SUSD2: variants seen among roughly 807,000 people sequenced by gnomAD.
SUSD2 encodes sushi domain containing 2.
Under a neutral mutation model 93.8 loss-of-function variants are expected in SUSD2, and 86 were observed. That is an observed-to-expected ratio of 0.92 (90% CI 0.77 to 1.10). The LOEUF (loss-of-function observed/expected upper bound fraction) is 1.10. SUSD2 is among the 50% of genes least tolerant of loss of function. The pLI, the probability that SUSD2 is intolerant of heterozygous loss-of-function variation, is 0.00. For synonymous variants in SUSD2, 483 were observed against 485.0 expected (o/e 1.00, Z 0.05); for missense variants, 1,060 against 1,137.0 (o/e 0.93, Z 0.97).
intron 2 of SUSD2, 25 bp from the exon 3 acceptor site, chr22:24,183,470 C>T (rs774023187): frequency 2.9e-5 from 46 of 1,600,940 alleles, no homozygotes; most frequent in Non-Finnish European, 3.5e-5. Flanking sequence ...TGACCCAGCC[C>T]CTCCCACCAC....
intron 3 of SUSD2, 140 bp downstream of exon 3, chr22:24,183,786 G>C: frequency 4.1e-6 from 4 of 981,988 alleles, no homozygotes; most frequent in Non-Finnish European, 4.4e-6. Flanking sequence ...GCCTGCGAGA[G>C]TTCCTTCAGC....
Position 24,186,249 on chromosome 22 carries a change from C to T in SUSD2, c.1484-8C>T, listed in dbSNP as rs771346614. On this transcript the variant is annotated splice_region_variant and splice_polypyrimidine_tract_variant and intron_variant, in intron 9 of 14. Transcript: ENST00000358321. ...CAAGTGGCTCCCGTTCTGCTCCCAC[C>T]ACCGCAGGCACGGAGACCCGTGGCA... 6.2e-7 allele frequency: 1 copy of T among 1,612,812 alleles called. No individual in the cohort carries two copies. The highest frequency in any genetic ancestry group is 8.5e-7 in the Non-Finnish European group (1 of 1,179,724).
At chr22:24,183,712 AC>A in intron 3 of SUSD2, 66 bp downstream of exon 3, 8 of 1,532,700 alleles carry the variant, frequency 5.2e-6, no homozygotes, top group Middle Eastern at 3.9e-4. Context: ...ATCTATGCAC[AC>A]CGAGACTTGG....
chr22:24,188,768 G>C lies in SUSD2; in HGVS notation c.*332G>C, dbSNP rs1054108991. 1.1e-5 allele frequency: 3 copies of C among 282,736 alleles called. No individual in the cohort carries two copies. The highest frequency in any genetic ancestry group is 2.0e-5 in the Non-Finnish European group (3 of 148,104). The allele number at this position is 282,736 out of a possible 1,614,324, so 17.5% of individuals were successfully genotyped here. A position where few individuals can be genotyped will look rare whatever the true frequency, so the allele number is the denominator to read the frequency against. On this transcript the variant is annotated 3_prime_UTR_variant, in exon 15 of 15. Transcript: ENST00000358321. The surrounding 1 kb of genome is among the most constrained non-coding windows in gnomAD (Gnocchi z 4.7). ...TCAGATTCCAATAGCTCACTCCCTA[G>C]AGCCTGACGCCGGGGCCCCTGACCC...
rs752711134 is a variant in SUSD2, at chr22:24,184,930, G to T, written c.772G>T (p.Ala258Ser). The T allele has an allele frequency of 2.8e-5, 45 of 1,613,516 alleles. 1 individual carries two copies. In the South Asian group the frequency reaches 4.0e-4, roughly 14 times the overall value. ...ALRIIDSKNY[A>S]GQKDVQALWT... ...TCGGATCATCGACAGCAAAAATTAC[G>T]CAGGGCAGAAGTAAGAAGGCATGGA... The change falls in exon 5 of 15, where the codon GCA becomes TCA. Residue 258 changes from alanine (A) to serine (S), a missense_variant. Physicochemically the swap from Ala to Ser is moderately conservative, Grantham distance 99 (BLOSUM62 1). Around this residue, in one of 2 missense-constraint regions of SUSD2, gnomAD observed 973 missense variants for 1,005.3 expected, o/e 0.97. Coordinates refer to ENST00000358321, the MANE Select transcript of SUSD2 (RefSeq NM_019601.4).
intron 1 of SUSD2, among the ~76,000 whole-genome samples, chr22:24,181,846 G>A (rs748862063): frequency 5.3e-5 from 8 of 152,304 alleles, no homozygotes; most frequent in African/African-American, 7.2e-5. Context: ...AGAGGCCTCC[G>A]CCTGTGTCCC....
intron 1 of SUSD2, chr22:24,182,781 G>T: frequency 2.3e-6 from 1 of 444,244 alleles, no homozygotes; most frequent in Non-Finnish European, 4.1e-6. Context: ...TCCTGACCCT[G>T]CAGGGCTGAG....
At chr22:24,184,375 T>A in intron 4 of SUSD2, 72 bp downstream of exon 4, 2 of 1,509,684 alleles carry the variant, frequency 1.3e-6, no homozygotes, top group Non-Finnish European at 1.8e-6. Flanking sequence ...GGGTCCCAGC[T>A]GTGTGGGAGG....
At chr22:24,185,632 G>T (rs772717600) in intron 7 of SUSD2, 29 bp from the exon 8 acceptor site, 2 of 1,608,530 alleles carry the variant, frequency 1.2e-6, no homozygotes, top group Non-Finnish European at 1.7e-6. Context: ...CCCAACAGTG[G>T]CCTGGCCCTG....
chr22:24,183,425 TG>T (rs988587157), intron 2 of SUSD2, 69 bp from the exon 3 acceptor site: 1 of 1,568,600 alleles, frequency 6.4e-7, no homozygotes, highest in South Asian at 1.2e-5. Flanking sequence ...CCAGGGAGGT[TG>T]GGGGCCCAGA....
intron 10 of SUSD2, 151 bp downstream of exon 10, chr22:24,186,566 G>C: frequency 1.1e-6 from 1 of 925,958 alleles, no homozygotes; most frequent in African/African-American, 1.7e-5. Context: ...CACCCACCGA[G>C]GTGCCCCCGT....
At chr22:24,185,070 G>A (rs771711679) in intron 5 of SUSD2, 24 bp from the exon 6 acceptor site, 6 of 1,612,552 alleles carry the variant, frequency 3.7e-6, no homozygotes, top group Non-Finnish European at 4.2e-6. Flanking sequence ...GGCTGGCCCA[G>A]CTCCAGCATC....
chr22:24,187,748 A>G lies in SUSD2; in HGVS notation c.2069A>G (p.Asn690Ser), dbSNP rs763787252. 1.9e-6 allele frequency: 3 copies of G among 1,613,908 alleles called. No individual in the cohort carries two copies. The highest frequency in any genetic ancestry group is 2.5e-6 in the Non-Finnish European group (3 of 1,180,002). Residue 690 changes from asparagine to serine, a missense_variant, in exon 12 of 15, where the codon AAC becomes AGC. Transcript: ENST00000358321. The stretch of plus-strand genomic sequence containing the variant: ...CTATGTGGGGACGATCATTTCTGCA[A>G]CTTTGATGTGGCAGCCACTGGGAGC... ...AKLCGDDHFCNFDVAATGSLS... is the reference protein window; with the variant it reads ...AKLCGDDHFCSFDVAATGSLS...
chr22:24,184,989 G>A (rs369919313), intron 5 of SUSD2, 49 bp downstream of exon 5: 28 of 1,611,424 alleles, frequency 1.7e-5, no homozygotes, highest in Admixed American at 8.4e-5. Flanking sequence ...CTCGCCGCCC[G>A]AGGCCCATCA....
Position 24,188,275 on chromosome 22 carries a change from G to T in SUSD2, c.2392G>T (p.Val798Leu). ...CATCATCTTTGGGGGCCTCGCGGTG[G>T]TGGCGGCGGTTGCGCTCGTCTATGT... is the stretch of plus-strand genomic sequence containing the variant. ...LGIIFGGLAV[V>L]AAVALVYVLL... is the part of the protein sequence containing the mutation. The change falls in exon 14 of 15, where the codon GTG becomes TTG. Residue 798 changes from valine (V) to leucine (L), a missense_variant. Transcript: ENST00000358321. This position sits in a 1 kb window ranked among gnomAD's most constrained non-coding sequence, Gnocchi z 4.7. The T allele has an allele frequency of 6.2e-7, 1 of 1,605,140 alleles. No homozygotes were observed. Among genetic ancestry groups the T allele is most frequent in the African/African-American group, 1.3e-5 (1 of 74,966 alleles).
At chr22:24,185,065 G>C in intron 5 of SUSD2, 29 bp from the exon 6 acceptor site, 3 of 1,612,294 alleles carry the variant, frequency 1.9e-6, no homozygotes, top group Non-Finnish European at 2.5e-6. Flanking sequence ...GTGTGGGCTG[G>C]CCCAGCTCCA....
chr22:24,184,978 C>A, intron 5 of SUSD2, 38 bp downstream of exon 5: 1 of 1,611,696 alleles, frequency 6.2e-7, no homozygotes, highest in Non-Finnish European at 8.5e-7. Context: ...GGCTGGAGGG[C>A]CTCGCCGCCC....
In SUSD2 at chr22:24,185,546, C is replaced by A; in HGVS notation, c.1045C>A (p.His349Asn). 1 of 1,588,272 alleles carries A rather than the reference C, an allele frequency of 6.3e-7. No homozygotes were observed. Among genetic ancestry groups the A allele is most frequent in the Non-Finnish European group, 8.6e-7 (1 of 1,167,470 alleles). Reference protein sequence around the residue: ...SVCTYHPGAVHCVRSVQASLR... With the variant: ...SVCTYHPGAVNCVRSVQASLR... ...GTGCACCTACCACCCCGGGGCCGTG[C>A]ACTGTGTGCGTTCTGTGCAGGCCAG... The change falls in exon 7 of 15, where the codon CAC becomes AAC. Residue 349 changes from histidine (H) to asparagine (N), a missense_variant. His to Asn is a moderately conservative substitution (Grantham distance 68). Coordinates refer to ENST00000358321, the MANE Select transcript of SUSD2 (RefSeq NM_019601.4).
At position 24,185,941 on chromosome 22, in the gene SUSD2, C is replaced by A; in HGVS notation, c.1339+12C>A. The A allele has an allele frequency of 6.4e-7, 1 of 1,568,952 alleles. No individual in the cohort carries two copies. Among genetic ancestry groups the A allele is most frequent in the South Asian group, 1.2e-5 (1 of 84,768 alleles). On this transcript the variant is annotated intron_variant, in intron 8 of 14. Transcript: ENST00000358321. ...GCCCCCAAGACTGGGTGGGTGCCAT[C>A]CCGTGCCCCAGACCCTGGGAAAGAT...
Sources: allele counts gnomAD v4.1 joint callset (sites outside exome capture counted in the v4.1 genomes callset), GRCh38; gene constraint gnomAD v4.1.1; regional missense constraint gnomAD v4.1.1; non-coding constraint Gnocchi (gnomAD v3.1); transcripts MANE v1.5; gene names NCBI Gene and HGNC (gene_info 2026-07-23, HGNC 2026-07-21).